The following NCAM1 variants were observed in gnomAD, a reference collection of about 807,000 sequenced individuals.
NCAM1 encodes neural cell adhesion molecule 1.
A neutral mutation model predicts 109.8 loss-of-function variants in NCAM1; 14 were observed. The observed-to-expected ratio is 0.13, with a 90% CI of 0.08 to 0.20. NCAM1 has a LOEUF of 0.20. NCAM1 is among the 10% of genes least tolerant of loss of function. The pLI, the probability that NCAM1 is intolerant of heterozygous loss-of-function variation, is 1.00. For missense variants in NCAM1, 774 were observed against 1,109.9 expected (o/e 0.70, Z 4.30); for synonymous variants, 418 against 442.9 (o/e 0.94, Z 0.70).
intron 1 of NCAM1, among the ~76,000 whole-genome samples, chr11:113,119,190 G>A (rs2136017020): frequency 6.6e-6 from 1 of 152,096 alleles, no homozygotes; most frequent in East Asian, 1.9e-4. Flanking sequence ...CCACTTAGAG[G>A]GTTGGGGAGT....
Position 113,274,073 on chromosome 11 carries a change from G to C in NCAM1, c.2457-1194G>C, listed in dbSNP as rs572873885. Reference sequence around the variant, plus strand: ...GGAAGCAGGCTAAGAAGGCCAAGGTGCCCTTATCAGCCACCCTGGGGCCCC... The same window carrying C: ...GGAAGCAGGCTAAGAAGGCCAAGGTCCCCTTATCAGCCACCCTGGGGCCCC... On this transcript the variant is annotated intron_variant, in intron 19 of 19. Transcript: ENST00000316851. This position sits in a 1 kb window ranked among gnomAD's most constrained non-coding sequence, Gnocchi z 4.1. Among the ~76,000 whole-genome samples, 5 of 152,330 alleles carry C rather than the reference G, an allele frequency of 3.3e-5. No individual in the cohort carries two copies. In the East Asian group the frequency reaches 7.7e-4, roughly 24 times the overall value.
rs569894151 is a variant in NCAM1 at position 113,239,243 on chromosome 11, C to G, written c.1825+4079C>G. ...AAAACTCTAACCTGTGAGAATGTGC[C>G]TATTTCATGTATTTTTTAAGCCAAA... On this transcript the variant is annotated intron_variant, in intron 14 of 19. Coordinates refer to ENST00000316851, the MANE Select transcript of NCAM1 (RefSeq NM_181351.5). Among the ~76,000 whole-genome samples the G allele has an allele frequency of 2.6e-5, 4 of 152,270 alleles. No individual in the cohort carries two copies. The East Asian group carries it at 7.7e-4, about 29-fold the overall frequency.
At chr11:113,024,310 C>G (rs1323643048) in intron 1 of NCAM1, among the ~76,000 whole-genome samples, 2 of 152,178 alleles carry the variant, frequency 1.3e-5, no homozygotes, top group Non-Finnish European at 2.9e-5. Flanking sequence ...TTGGAGGCAA[C>G]AGGCAAACTT....
intron 17 of NCAM1, among the ~76,000 whole-genome samples, chr11:113,268,050 G>A (rs1212157784): frequency 3.3e-5 from 5 of 152,260 alleles, no homozygotes; most frequent in East Asian, 1.9e-4. Context: ...ACTGATGTCC[G>A]GAAGCTGCAG....
intron 1 of NCAM1, among the ~76,000 whole-genome samples, chr11:113,107,681 A>G (rs1250342102): frequency 6.6e-6 from 1 of 152,148 alleles, no homozygotes; most frequent in African/African-American, 2.4e-5. Context: ...CGAGGACAGT[A>G]TGGAGGAAAC....
At chr11:113,105,749 G>A (rs1460956769) in intron 1 of NCAM1, among the ~76,000 whole-genome samples, 2 of 152,136 alleles carry the variant, frequency 1.3e-5, no homozygotes, top group African/African-American at 4.8e-5. Flanking sequence ...ATTAATTGTT[G>A]CCAGAAGCTA....
At chr11:113,156,680 CAG>C (rs1555103478) in intron 1 of NCAM1, among the ~76,000 whole-genome samples, 1 of 151,984 alleles carries the variant, frequency 6.6e-6, no homozygotes, top group Admixed American at 6.6e-5. Flanking sequence ...TTTTATGGCT[CAG>C]GGGAAGGAGA....
intron 1 of NCAM1, among the ~76,000 whole-genome samples, chr11:113,143,110 A>G (rs1033865558): frequency 3.3e-5 from 5 of 152,230 alleles, no homozygotes; most frequent in Admixed American, 6.5e-5. Flanking sequence ...ATTTTCATAC[A>G]TAAGAAAATT....
intron 1 of NCAM1, among the ~76,000 whole-genome samples, chr11:113,035,962 A>G (rs1361520711): frequency 1.3e-5 from 2 of 152,004 alleles, no homozygotes; most frequent in Non-Finnish European, 2.9e-5. Flanking sequence ...CGAGAAGTCC[A>G]AGTCTGTTTC....
intron 1 of NCAM1, among the ~76,000 whole-genome samples, chr11:113,197,768 T>C (rs530577266): frequency 2.0e-5 from 3 of 152,316 alleles, no homozygotes; most frequent in Middle Eastern, 6.8e-3. Context: ...AGAAAACCGA[T>C]AAAATAAAAC....
At chr11:113,156,185 A>G (rs1004546537) in intron 1 of NCAM1, among the ~76,000 whole-genome samples, 1 of 152,184 alleles carries the variant, frequency 6.6e-6, no homozygotes, top group Non-Finnish European at 1.5e-5. Flanking sequence ...AGGACAAAAG[A>G]TGACTAAAAT....
chr11:113,207,813 T>G lies in NCAM1; in HGVS notation c.747-20T>G. On this transcript the variant is annotated intron_variant, in intron 6 of 19. Transcript: ENST00000316851. ...TTCTGTGGTCGAAATCATGCTACTT[T>G]GCATTTCTACATGCTCTAGGGATGG... 6.3e-7 allele frequency: 1 copy of G among 1,598,722 alleles called. No individual in the cohort carries two copies. The highest frequency in any genetic ancestry group is 8.5e-7 in the Non-Finnish European group (1 of 1,170,574).
intron 1 of NCAM1, among the ~76,000 whole-genome samples, chr11:112,975,116 G>A (rs1340614205): frequency 6.6e-6 from 1 of 151,974 alleles, no homozygotes; most frequent in Non-Finnish European, 1.5e-5. Context: ...CAACTTCAAG[G>A]GATTGACAAT....
intron 9 of NCAM1, among the ~76,000 whole-genome samples, chr11:113,230,739 C>T (rs1944981608): frequency 6.6e-6 from 1 of 152,198 alleles, no homozygotes; most frequent in African/African-American, 2.4e-5. Context: ...GAACAAGACC[C>T]TTTCTCCAGA....
At chr11:113,228,535 C>T (rs555958829) in intron 9 of NCAM1, among the ~76,000 whole-genome samples, 3 of 152,084 alleles carry the variant, frequency 2.0e-5, no homozygotes, top group African/African-American at 7.2e-5. Context: ...CAATGCCATC[C>T]CCATCAAGCT....
At chr11:112,979,858 A>G (rs939708254) in intron 1 of NCAM1, among the ~76,000 whole-genome samples, 1 of 151,830 alleles carries the variant, frequency 6.6e-6, no homozygotes, top group African/African-American at 2.4e-5. Flanking sequence ...TGCATAACAC[A>G]TTTTTAGAAT....
rs557141838 is a variant in NCAM1, at chr11:113,267,594, G to A, written c.2132-2594G>A. Among the ~76,000 whole-genome samples, 13 of 152,270 alleles carry A rather than the reference G, an allele frequency of 8.5e-5. No individual in the cohort carries two copies. The South Asian group carries it at 2.1e-3, about 24-fold the overall frequency. On this transcript the variant is annotated intron_variant, in intron 17 of 19. Transcript: ENST00000316851. ...TTCAGCAGGCAGAAGGGAGGCTGCC[G>A]GTTCACGCCATGAGGCCCAACAGAG...
intron 1 of NCAM1, among the ~76,000 whole-genome samples, chr11:113,061,980 T>C (rs782372009): frequency 6.6e-6 from 1 of 152,146 alleles, no homozygotes; most frequent in Non-Finnish European, 1.5e-5. Flanking sequence ...TGCTGTCACA[T>C]CCAGAAAATG....
intron 1 of NCAM1, among the ~76,000 whole-genome samples, chr11:113,174,118 G>A (rs1275147920): frequency 1.5e-4 from 23 of 152,166 alleles, no homozygotes; most frequent in African/African-American, 5.6e-4. Context: ...ATTAGAAGTG[G>A]AAAATCCTAA....
Sources: gnomAD v4.1 joint callset for allele counts (sites outside exome capture counted in the v4.1 genomes callset) on GRCh38, gnomAD v4.1.1 for gene constraint, Gnocchi (gnomAD v3.1) non-coding constraint, MANE v1.5 for transcripts, NCBI Gene and HGNC (gene_info 2026-07-23, HGNC 2026-07-21) for gene names.